The following PRKG1 variants were observed in gnomAD, a reference collection of about 807,000 sequenced individuals.
PRKG1 encodes the protein cGMP-dependent protein kinase 1.
A neutral mutation model predicts 88.1 loss-of-function variants in PRKG1; 35 were observed. The ratio of observed to expected loss-of-function variants is 0.40; its 90% CI spans 0.30 to 0.53. The LOEUF is 0.53. Among genes scored for constraint, PRKG1 ranks in the 20% least tolerant of loss-of-function variants. The pLI is 0.59. For synonymous variants in PRKG1, 303 were observed against 292.5 expected (o/e 1.04, Z -0.37); for missense variants, 540 against 839.8 (o/e 0.64, Z 4.41).
chr10:52,072,939 C>A (rs1846536840), intron 7 of PRKG1, among the ~76,000 whole-genome samples: 1 of 152,214 alleles, frequency 6.6e-6, no homozygotes, highest in African/African-American at 2.4e-5. Context: ...ATTACACAAA[C>A]TGGGTGGCTA....
At chr10:51,097,673 G>A (rs892162704) in intron 1 of PRKG1, among the ~76,000 whole-genome samples, 8 of 152,058 alleles carry the variant, frequency 5.3e-5, no homozygotes, top group African/African-American at 1.9e-4. Flanking sequence ...TTCCAACAAG[G>A]ATTGCAGTGC....
At chr10:51,987,383 A>AAGGAAAAC in intron 5 of PRKG1, among the ~76,000 whole-genome samples, 1 of 152,090 alleles carries the variant, frequency 6.6e-6, no homozygotes, top group East Asian at 1.9e-4. Context: ...AAGGTTCAAG[A>AAGGAAAAC]AGGAAAACAA....
intron 3 of PRKG1, among the ~76,000 whole-genome samples, chr10:51,710,826 G>A (rs548050156): frequency 8.6e-5 from 13 of 151,984 alleles, no homozygotes; most frequent in Non-Finnish European, 1.8e-4. Context: ...ATGATATATC[G>A]TCCTGTTTTG....
intron 1 of PRKG1, among the ~76,000 whole-genome samples, chr10:51,051,071 G>T (rs1470432151): frequency 6.6e-6 from 1 of 152,002 alleles, no homozygotes; most frequent in Non-Finnish European, 1.5e-5. Context: ...CACCTCATCA[G>T]ATAAATGGTT....
intron 1 of PRKG1, among the ~76,000 whole-genome samples, chr10:51,025,826 G>T (rs554356614): frequency 1.3e-5 from 2 of 152,234 alleles, no homozygotes; most frequent in African/African-American, 4.8e-5. Context: ...TTGAAGGAAG[G>T]TTATGGGTTG....
chr10:51,676,569 C>T (rs1025508881), intron 3 of PRKG1, among the ~76,000 whole-genome samples: 6 of 151,930 alleles, frequency 3.9e-5, no homozygotes, highest in African/African-American at 1.5e-4. Flanking sequence ...AGTGAAGAAC[C>T]AATCAGCAGC....
At chr10:51,801,838 G>A (rs1241923067) in intron 3 of PRKG1, among the ~76,000 whole-genome samples, 1 of 152,128 alleles carries the variant, frequency 6.6e-6, no homozygotes, top group African/African-American at 2.4e-5. Context: ...TTTCCACTGA[G>A]TGGGATGTAT....
chr10:51,450,741 A>G (rs1176560683), intron 2 of PRKG1, among the ~76,000 whole-genome samples: 2 of 151,902 alleles, frequency 1.3e-5, no homozygotes, highest in African/African-American at 4.8e-5. Flanking sequence ...TGAGATACTT[A>G]GACTGACCTA....
intron 2 of PRKG1, among the ~76,000 whole-genome samples, chr10:51,399,346 A>G (rs1049782018): frequency 1.3e-5 from 2 of 152,188 alleles, no homozygotes; most frequent in African/African-American, 4.8e-5. Flanking sequence ...CGGAGAACTC[A>G]TGAATACAGC....
At chr10:51,512,536 A>C (rs1160741385) in intron 3 of PRKG1, among the ~76,000 whole-genome samples, 3 of 102,844 alleles carry the variant, frequency 2.9e-5, no homozygotes, top group Admixed American at 1.1e-4. Flanking sequence ...ATCATTTTTT[A>C]TGGCTGCATA....
chr10:51,361,755 G>T (rs1842485700), intron 2 of PRKG1, among the ~76,000 whole-genome samples: 1 of 151,746 alleles, frequency 6.6e-6, no homozygotes, highest in Non-Finnish European at 1.5e-5. Flanking sequence ...GAACAGAAGT[G>T]CAAGCAGAAA....
At chr10:51,172,436 A>G (rs1385929053) in intron 2 of PRKG1, among the ~76,000 whole-genome samples, 4 of 152,084 alleles carry the variant, frequency 2.6e-5, no homozygotes, top group African/African-American at 9.7e-5. Flanking sequence ...TAGTAAGGCA[A>G]CTGAGAGTTG....
chr10:51,413,937 C>G (rs994779754), intron 2 of PRKG1, among the ~76,000 whole-genome samples: 1 of 152,116 alleles, frequency 6.6e-6, no homozygotes, highest in Non-Finnish European at 1.5e-5. Context: ...TCAGCAGAAA[C>G]AGTGTGGTAG....
chr10:52,170,547 C>A (rs1564500312), intron 9 of PRKG1, among the ~76,000 whole-genome samples: 1 of 152,110 alleles, frequency 6.6e-6, no homozygotes, highest in Non-Finnish European at 1.5e-5. Flanking sequence ...GTACCACAAT[C>A]ACCCCCCTCT....
intron 5 of PRKG1, among the ~76,000 whole-genome samples, chr10:51,989,087 G>A (rs1235680507): frequency 6.6e-6 from 1 of 152,092 alleles, no homozygotes; most frequent in African/African-American, 2.4e-5. Context: ...GCACAAAAGT[G>A]TGTAAGGCTG....
At chr10:52,086,090 G>A (rs1846906161) in intron 7 of PRKG1, among the ~76,000 whole-genome samples, 1 of 151,788 alleles carries the variant, frequency 6.6e-6, no homozygotes, top group African/African-American at 2.4e-5. Context: ...TTCACTTCAG[G>A]TCTTTTTCCT....
intron 3 of PRKG1, among the ~76,000 whole-genome samples, chr10:51,470,545 T>C (rs1253118819): frequency 2.0e-5 from 3 of 151,946 alleles, no homozygotes; most frequent in African/African-American, 4.8e-5. Flanking sequence ...GGCATCTTAA[T>C]GCATTTTTAT....
intron 1 of PRKG1, among the ~76,000 whole-genome samples, chr10:50,995,304 G>C (rs1842826962): frequency 6.6e-6 from 1 of 152,118 alleles, no homozygotes; most frequent in Non-Finnish European, 1.5e-5. Flanking sequence ...TCTCCATTAA[G>C]AATGATCTAA....
intron 9 of PRKG1, among the ~76,000 whole-genome samples, chr10:52,212,615 A>AGG (rs1289161167): frequency 1.3e-5 from 2 of 150,850 alleles, no homozygotes; most frequent in African/African-American, 4.9e-5. Context: ...GGGGTGGTGT[A>AGG]GGGGAGAGAG....
Sources: allele counts gnomAD v4.1 joint callset (sites outside exome capture counted in the v4.1 genomes callset), GRCh38; gene constraint gnomAD v4.1.1; transcripts MANE v1.5; gene names NCBI Gene and HGNC (gene_info 2026-07-23, HGNC 2026-07-21).